The following BMX variants were observed in gnomAD, a reference collection of about 807,000 sequenced individuals.
BMX encodes the protein cytoplasmic tyrosine-protein kinase BMX.
A neutral mutation model predicts 59.2 loss-of-function variants in BMX; 31 were observed. The observed-to-expected ratio is 0.52, with a 90% CI of 0.39 to 0.71. The LOEUF is 0.71. BMX is among the 30% of genes least tolerant of loss of function. The pLI, the probability that BMX is intolerant of heterozygous loss-of-function variation, is 0.00. For synonymous variants in BMX, 185 were observed against 181.0 expected (o/e 1.02, Z -0.18); for missense variants, 474 against 491.7 (o/e 0.96, Z 0.34).
At chrX:15,508,222 C>T (rs931732924) in intron 1 of BMX, 123 bp from the exon 2 acceptor site, 2 of 409,268 alleles carry the variant, frequency 4.9e-6, no homozygotes, top group African/African-American at 5.2e-5. Context: ...ACATCAGTCT[C>T]ATTTATTAAA....
At chrX:15,531,780 C>A (rs1925088257) in intron 11 of BMX, among the ~76,000 whole-genome samples, 1 of 109,296 alleles carries the variant, frequency 9.1e-6, no homozygotes. Flanking sequence ...TACTCTCAGC[C>A]CTAGCCACCT....
At position 15,556,336 on chromosome X, in the gene BMX, A is replaced by G; in HGVS notation, c.*189A>G. 1 of 385,878 alleles carries G rather than the reference A, an allele frequency of 2.6e-6. No homozygotes were observed. Among genetic ancestry groups the G allele is most frequent in the Non-Finnish European group, 4.3e-6 (1 of 235,039 alleles). 31.8% of individuals were successfully genotyped at this position (385,878 alleles called of 1,213,427 possible). On this transcript the variant is annotated 3_prime_UTR_variant, in exon 19 of 19. Transcript: ENST00000348343. Reference sequence around the variant, plus strand: ...CCTTGAAATTTAGATCAAATTAGTAATTTTGTTTATGCTGCTCCTGATATA... The same window carrying G: ...CCTTGAAATTTAGATCAAATTAGTAGTTTTGTTTATGCTGCTCCTGATATA...
intron 1 of BMX, among the ~76,000 whole-genome samples, chrX:15,504,319 T>C (rs756708981): frequency 2.2e-4 from 25 of 112,012 alleles, no homozygotes; most frequent in African/African-American, 8.1e-4. Context: ...AGTTGTTACC[T>C]ATCTCAATTT....
intron 11 of BMX, among the ~76,000 whole-genome samples, chrX:15,532,558 G>C (rs1466016552): frequency 8.9e-6 from 1 of 111,816 alleles, no homozygotes; most frequent in Non-Finnish European, 1.9e-5. Context: ...TATTGATTCG[G>C]ATCTTCTTTT....
chrX:15,507,382 T>G (rs1331631507), intron 1 of BMX: 27 of 753,257 alleles, frequency 3.6e-5, no homozygotes, highest in Non-Finnish European at 4.2e-5. Flanking sequence ...AGGACCCACA[T>G]GTATACTTCG....
rs761589929 is a variant in BMX, at chrX:15,529,992, T to G, written c.904T>G (p.Ser302Ala). ...DDYDWFAGNISRSQSEQLLRQ... is the reference protein window; with the variant it reads ...DDYDWFAGNIARSQSEQLLRQ... ...TTGCAGCTGGTTTGCTGGTAACATC[T>G]CCAGATCACAATCTGAACAGTTACT... Residue 302 changes from serine to alanine, a missense_variant, in exon 10 of 19, where the codon TCC becomes GCC. Coordinates refer to ENST00000348343, the MANE Select transcript of BMX (RefSeq NM_203281.3). 114 of 1,208,125 alleles carry G rather than the reference T, an allele frequency of 9.4e-5. No individual in the cohort carries two copies. In the South Asian group the frequency reaches 1.9e-3, roughly 20 times the overall value.
At chrX:15,534,897 T>G (rs1925260535) in intron 12 of BMX, among the ~76,000 whole-genome samples, 2 of 111,503 alleles carry the variant, frequency 1.8e-5, no homozygotes, top group African/African-American at 3.3e-5. Context: ...TTAACAGCTG[T>G]GTAGAATTCT....
At chrX:15,526,214 T>G in intron 9 of BMX, 119 bp downstream of exon 9, 1 of 550,857 alleles carries the variant, frequency 1.8e-6, no homozygotes, top group Non-Finnish European at 2.8e-6. Flanking sequence ...TTTACATGGG[T>G]AAACTCACGT....
chrX:15,527,119 T>G (rs1353217269), intron 9 of BMX, among the ~76,000 whole-genome samples: 6 of 94,461 alleles, frequency 6.4e-5, no homozygotes, highest in Admixed American at 1.3e-4. Flanking sequence ...ACCCCATAAA[T>G]ATATATACCT....
At chrX:15,521,352 C>A (rs999271048) in intron 6 of BMX, among the ~76,000 whole-genome samples, 2 of 111,781 alleles carry the variant, frequency 1.8e-5, no homozygotes, top group Non-Finnish European at 3.8e-5. Context: ...TTGTGAGATT[C>A]GCTTATTTTT....
intron 4 of BMX, among the ~76,000 whole-genome samples, chrX:15,515,759 C>T (rs1395485766): frequency 9.0e-6 from 1 of 111,516 alleles, no homozygotes; most frequent in Non-Finnish European, 1.9e-5. Context: ...CACCCTTCCC[C>T]TTCTGCCACA....
intron 9 of BMX, among the ~76,000 whole-genome samples, chrX:15,529,469 A>G (rs1039011227): frequency 8.9e-6 from 1 of 112,355 alleles, no homozygotes; most frequent in Non-Finnish European, 1.9e-5. Context: ...CTAAAGCCCA[A>G]AGGCCACAGA....
intron 1 of BMX, chrX:15,507,540 A>G (rs538949708): frequency 4.2e-4 from 74 of 174,486 alleles, no homozygotes; most frequent in Middle Eastern, 6.8e-3. Flanking sequence ...ACTGCTCAAC[A>G]TTGCTACTTT....
intron 4 of BMX, among the ~76,000 whole-genome samples, chrX:15,515,648 G>T (rs1171559072): frequency 1.8e-5 from 2 of 111,839 alleles, no homozygotes; most frequent in Non-Finnish European, 3.8e-5. Flanking sequence ...TCTTATTCTT[G>T]CAACTTTTCT....
At chrX:15,523,963 T>C (rs1193741361) in intron 7 of BMX, among the ~76,000 whole-genome samples, 1 of 112,198 alleles carries the variant, frequency 8.9e-6, no homozygotes, top group African/African-American at 3.2e-5. Flanking sequence ...TGCAAGTAAA[T>C]TATAATAATT....
intron 9 of BMX, among the ~76,000 whole-genome samples, chrX:15,526,484 A>C (rs372092233): frequency 1.2e-4 from 13 of 111,917 alleles, no homozygotes; most frequent in Middle Eastern, 9.2e-3. Context: ...TTTTTGGAGA[A>C]GTTATTAATG....
Position 15,519,225 on chromosome X carries a change from G to T in BMX, c.510+1232G>T, listed in dbSNP as rs1226611496. Among the ~76,000 whole-genome samples, 3 of 111,478 alleles carry T rather than the reference G, an allele frequency of 2.7e-5. No individual in the cohort carries two copies. In the Admixed American group the frequency reaches 2.9e-4, roughly 11 times the overall value. ...AGGGGACATCTCCGCCCATCTATTG[G>T]ATCTATGGTGTCTTGGGTACTTATT... On this transcript the variant is annotated intron_variant, in intron 6 of 18. Coordinates refer to ENST00000348343, the MANE Select transcript of BMX (RefSeq NM_203281.3).
At chrX:15,526,841 C>T (rs1222745571) in intron 9 of BMX, among the ~76,000 whole-genome samples, 1 of 110,820 alleles carries the variant, frequency 9.0e-6, no homozygotes. Context: ...CCGCCTCGGC[C>T]TCCCAAAGTG....
intron 18 of BMX, among the ~76,000 whole-genome samples, chrX:15,554,549 A>C (rs1926340243): frequency 9.1e-6 from 1 of 109,508 alleles, no homozygotes; most frequent in South Asian, 3.8e-4. Flanking sequence ...CCATGCAGAA[A>C]TTTTTCTTAA....
Sources: gnomAD v4.1 joint callset for allele counts (sites outside exome capture counted in the v4.1 genomes callset) on GRCh38, gnomAD v4.1.1 for gene constraint, MANE v1.5 for transcripts, NCBI Gene and HGNC (gene_info 2026-07-23, HGNC 2026-07-21) for gene names.